EPHA5: variants seen among roughly 807,000 people sequenced by gnomAD.
EPHA5 encodes the protein EPH receptor A5.
In EPHA5, 60 loss-of-function variants were observed where a neutral mutation model predicts 105.0. That is an observed-to-expected ratio of 0.57 (90% CI 0.46 to 0.71). EPHA5 has a LOEUF of 0.71. Among genes scored for constraint, EPHA5 ranks in the 30% least tolerant of loss-of-function variants. The pLI, the probability that EPHA5 is intolerant of heterozygous loss-of-function variation, is 0.00. For synonymous variants in EPHA5, 513 were observed against 449.1 expected, an observed-to-expected ratio of 1.14 and a Z score of -1.80; for missense variants, 1,218 against 1,274.7, an observed-to-expected ratio of 0.96 and a Z score of 0.68.
At chr4:65,407,656 G>A (rs1012939241) in intron 7 of EPHA5, among the ~76,000 whole-genome samples, 1 of 151,198 alleles carries the variant, frequency 6.6e-6, no homozygotes, top group Middle Eastern at 3.4e-3. Flanking sequence ...AGAATTTAAA[G>A]AATATATTTT....
At chr4:65,644,851 T>C (rs1747982078) in intron 1 of EPHA5, among the ~76,000 whole-genome samples, 1 of 152,000 alleles carries the variant, frequency 6.6e-6, no homozygotes, top group Admixed American at 6.6e-5. Flanking sequence ...AAATATTACC[T>C]ATATATACAC....
intron 3 of EPHA5, among the ~76,000 whole-genome samples, chr4:65,598,297 AT>A (rs1743377974): frequency 6.6e-6 from 1 of 152,184 alleles, no homozygotes. Flanking sequence ...CTAAGAAATG[AT>A]TAAGTTAAAA....
chr4:65,549,328 GAAGGAATTCTAA>G (rs1280899599), intron 3 of EPHA5, among the ~76,000 whole-genome samples: 1 of 152,130 alleles, frequency 6.6e-6, no homozygotes, highest in African/African-American at 2.4e-5. Flanking sequence ...GATACAGAAT[GAAGGAATTCTAA>G]AAGGTATTCT....
intron 4 of EPHA5, among the ~76,000 whole-genome samples, chr4:65,492,916 A>C (rs551482049): frequency 6.6e-6 from 1 of 152,284 alleles, no homozygotes; most frequent in Non-Finnish European, 1.5e-5. Flanking sequence ...GAAATTTAAG[A>C]TAAAAAATTA....
At chr4:65,469,387 G>T (rs1274115056) in intron 5 of EPHA5, among the ~76,000 whole-genome samples, 1 of 152,072 alleles carries the variant, frequency 6.6e-6, no homozygotes, top group African/African-American at 2.4e-5. Flanking sequence ...TGCGAAATAG[G>T]TATTCAAGTT....
chr4:65,433,248 A>G (rs1464580576), intron 5 of EPHA5, among the ~76,000 whole-genome samples: 1 of 152,222 alleles, frequency 6.6e-6, no homozygotes, highest in Non-Finnish European at 1.5e-5. Context: ...TGCAGTGAAT[A>G]CAGAATCTAA....
At chr4:65,579,246 T>A (rs1440489755) in intron 3 of EPHA5, among the ~76,000 whole-genome samples, 1 of 150,990 alleles carries the variant, frequency 6.6e-6, no homozygotes, top group Non-Finnish European at 1.5e-5. Flanking sequence ...ATATTAGTTA[T>A]GTTATCAGTG....
At chr4:65,438,766 G>GAA (rs148530672) in intron 5 of EPHA5, among the ~76,000 whole-genome samples, 4 of 149,598 alleles carry the variant, frequency 2.7e-5, no homozygotes, top group Non-Finnish European at 5.9e-5. Flanking sequence ...GTTTTATTTG[G>GAA]AAAAAAAAAT....
intron 2 of EPHA5, among the ~76,000 whole-genome samples, chr4:65,607,248 C>A (rs192414133): frequency 9.2e-5 from 14 of 151,888 alleles, no homozygotes; most frequent in Admixed American, 9.2e-4. Flanking sequence ...CTAGGCAATA[C>A]CATTCAGGAC....
intron 3 of EPHA5, among the ~76,000 whole-genome samples, chr4:65,535,609 A>G (rs962504256): frequency 1.6e-4 from 24 of 152,168 alleles, no homozygotes; most frequent in Non-Finnish European, 7.4e-5. Flanking sequence ...CACACTATTA[A>G]GATGCTGTTT....
At chr4:65,571,039 C>T in intron 3 of EPHA5, among the ~76,000 whole-genome samples, 1 of 151,846 alleles carries the variant, frequency 6.6e-6, no homozygotes, top group Non-Finnish European at 1.5e-5. Flanking sequence ...TCTTCCTCCC[C>T]CTCCCTTCTC....
intron 14 of EPHA5, among the ~76,000 whole-genome samples, chr4:65,337,973 A>T (rs1482235055): frequency 6.6e-6 from 1 of 152,114 alleles, no homozygotes; most frequent in Admixed American, 6.6e-5. Context: ...CTCAAAAACA[A>T]TATAGTAATT....
intron 14 of EPHA5, 30 bp downstream of exon 14, chr4:65,348,024 C>A: frequency 6.5e-7 from 1 of 1,530,784 alleles, no homozygotes; most frequent in Non-Finnish European, 8.8e-7. Flanking sequence ...ATTTCATTGT[C>A]AAGTTGGGAA....
intron 8 of EPHA5, among the ~76,000 whole-genome samples, chr4:65,383,049 T>TTA (rs1440535843): frequency 6.7e-6 from 1 of 149,108 alleles, no homozygotes; most frequent in African/African-American, 2.4e-5. Context: ...TATATATACA[T>TTA]TATATATATG....
intron 3 of EPHA5, among the ~76,000 whole-genome samples, chr4:65,591,605 T>TTTTA (rs1410408446): frequency 1.3e-3 from 192 of 147,458 alleles, no homozygotes; most frequent in African/African-American, 4.8e-3. Context: ...TTTAATTTTA[T>TTTTA]TTTTTTTAAA....
At chr4:65,619,902 T>C (rs940785462) in intron 2 of EPHA5, among the ~76,000 whole-genome samples, 1 of 151,452 alleles carries the variant, frequency 6.6e-6, no homozygotes, top group African/African-American at 2.4e-5. Flanking sequence ...TAACAGTATA[T>C]CTTCAATATT....
At chr4:65,345,758 T>G (rs1179118137) in intron 14 of EPHA5, among the ~76,000 whole-genome samples, 1 of 150,132 alleles carries the variant, frequency 6.7e-6, no homozygotes, top group African/African-American at 2.4e-5. Context: ...CAATCATGCC[T>G]CTTCTTTTTC....
At chr4:65,532,957 G>A (rs1483889945) in intron 3 of EPHA5, among the ~76,000 whole-genome samples, 1 of 151,986 alleles carries the variant, frequency 6.6e-6, no homozygotes, top group Non-Finnish European at 1.5e-5. Context: ...ATTTTGGTCA[G>A]TAGCACAGTC....
At chr4:65,491,345 T>C (rs1731380932) in intron 4 of EPHA5, among the ~76,000 whole-genome samples, 1 of 152,114 alleles carries the variant, frequency 6.6e-6, no homozygotes, top group Admixed American at 6.5e-5. Context: ...TTTGATATTG[T>C]TTTTATATTA....
Sources: allele counts gnomAD v4.1 joint callset (sites outside exome capture counted in the v4.1 genomes callset), GRCh38; gene constraint gnomAD v4.1.1; transcripts MANE v1.5; gene names NCBI Gene and HGNC (gene_info 2026-07-23, HGNC 2026-07-21).